Variants in SLCO2B1 observed in about 807,000 individuals in gnomAD.
The protein encoded by SLCO2B1 is OATP-RP2.
In SLCO2B1, 41 loss-of-function variants were observed where a neutral mutation model predicts 67.3. The ratio of observed to expected loss-of-function variants is 0.61; its 90% CI spans 0.47 to 0.79. The LOEUF is 0.79. Ranked by LOEUF, SLCO2B1 falls within the 30% of genes least tolerant of loss-of-function variation. The probability of loss-of-function intolerance (pLI) is 0.00; values close to 1 mark genes in which losing one functional copy is unlikely to be tolerated. For missense variants in SLCO2B1, 837 were observed against 920.1 expected (o/e 0.91, Z 1.17); for synonymous variants, 379 against 381.4 (o/e 0.99, Z 0.07).
intron 1 of SLCO2B1, among the ~76,000 whole-genome samples, chr11:75,156,686 A>T (rs894845781): frequency 6.6e-6 from 1 of 152,184 alleles, no homozygotes; most frequent in Non-Finnish European, 1.5e-5. Flanking sequence ...TTTATTAGGA[A>T]AGTAAAGGAA....
chr11:75,197,497 A>T (rs1227872679), intron 10 of SLCO2B1, among the ~76,000 whole-genome samples: 3 of 152,250 alleles, frequency 2.0e-5, no homozygotes, highest in African/African-American at 7.2e-5. Context: ...GAGCAGAAGC[A>T]CAAGGGTTCA....
chr11:75,169,425 C>A lies in SLCO2B1; in HGVS notation c.682+19C>A. On this transcript the variant is annotated intron_variant, in intron 5 of 13. Coordinates refer to ENST00000289575, the MANE Select transcript of SLCO2B1 (RefSeq NM_007256.5). The stretch of plus-strand genomic sequence containing the variant: ...TACCTCGGTGAGGACCAGTGCCATC[C>A]CTTGGCCTCTGAGGGTCAGGCCAGG... 6.4e-7 allele frequency: 1 copy of A among 1,556,734 alleles called. No individual in the cohort carries two copies.
At chr11:75,163,559 C>T (rs886090840) in intron 2 of SLCO2B1, among the ~76,000 whole-genome samples, 1 of 152,018 alleles carries the variant, frequency 6.6e-6, no homozygotes. Flanking sequence ...CCAAGGGGGG[C>T]TCTGAGAGTC....
At chr11:75,159,248 C>T (rs1949784324) in intron 1 of SLCO2B1, among the ~76,000 whole-genome samples, 1 of 152,254 alleles carries the variant, frequency 6.6e-6, no homozygotes, top group Non-Finnish European at 1.5e-5. Context: ...CACACAGACC[C>T]ATTGCGGGCC....
At chr11:75,172,745 C>A (rs760540113) in intron 7 of SLCO2B1, among the ~76,000 whole-genome samples, 176 bp downstream of exon 7, 1 of 152,046 alleles carries the variant, frequency 6.6e-6, no homozygotes, top group Non-Finnish European at 1.5e-5. Context: ...CTGGCTAACA[C>A]GGTGAAACCC....
intron 4 of SLCO2B1, among the ~76,000 whole-genome samples, chr11:75,166,317 G>A (rs561728264): frequency 6.6e-6 from 1 of 152,200 alleles, no homozygotes; most frequent in Non-Finnish European, 1.5e-5. Context: ...CTATGCACCA[G>A]ACACTGCTCT....
intron 9 of SLCO2B1, among the ~76,000 whole-genome samples, chr11:75,194,621 G>A (rs1591834571): frequency 6.6e-6 from 1 of 151,798 alleles, no homozygotes; most frequent in South Asian, 2.1e-4. Flanking sequence ...TCTCTAGCCT[G>A]GGGCCTCCTG....
intron 4 of SLCO2B1, 54 bp from the exon 5 acceptor site, chr11:75,169,119 G>C: frequency 1.4e-6 from 2 of 1,418,802 alleles, no homozygotes; most frequent in Non-Finnish European, 1.9e-6. Flanking sequence ...CCCGGGGTAA[G>C]CGCTATTTAA....
chr11:75,190,876 A>T (rs1167409826), intron 8 of SLCO2B1, among the ~76,000 whole-genome samples: 1 of 152,172 alleles, frequency 6.6e-6, no homozygotes, highest in Non-Finnish European at 1.5e-5. Flanking sequence ...TGCTGTGCTA[A>T]GGGAAGCCCT....
chr11:75,204,820 C>T lies in SLCO2B1; in HGVS notation c.*240C>T, dbSNP rs547420341. On this transcript the variant is annotated 3_prime_UTR_variant, in exon 14 of 14. Transcript: ENST00000289575. The stretch of plus-strand genomic sequence containing the variant: ...CTGGAGCAAGAGGGTCTTCTTCCTC[C>T]TTCCCCCAGCCAGCCAGCTGTCCTG... The T allele has an allele frequency of 1.9e-4, 63 of 339,764 alleles. No homozygotes were observed. The highest frequency in any genetic ancestry group is 1.1e-3 in the African/African-American group (52 of 47,328). The allele number at this position is 339,764 out of a possible 1,614,324, so 21.0% of individuals were successfully genotyped here. A position where few individuals can be genotyped will look rare whatever the true frequency, so the allele number is the denominator to read the frequency against.
chr11:75,195,552 G>A (rs1186501445), intron 9 of SLCO2B1, among the ~76,000 whole-genome samples: 1 of 151,914 alleles, frequency 6.6e-6, no homozygotes, highest in Non-Finnish European at 1.5e-5. Flanking sequence ...CCACACCCTG[G>A]CTAGAGACTG....
intron 7 of SLCO2B1, among the ~76,000 whole-genome samples, chr11:75,187,201 G>T (rs557752829): frequency 5.9e-5 from 9 of 152,158 alleles, no homozygotes; most frequent in East Asian, 3.8e-4. Flanking sequence ...TACAGTAAGT[G>T]CTTAGTAGGC....
intron 7 of SLCO2B1, among the ~76,000 whole-genome samples, chr11:75,176,207 C>T (rs536364314): frequency 6.6e-6 from 1 of 152,308 alleles, no homozygotes; most frequent in South Asian, 2.1e-4. Context: ...CCCCATCTGT[C>T]CCTGTGGTAG....
rs568652462 is a variant in SLCO2B1 at position 75,159,536 on chromosome 11, G to A, written c.17-3119G>A. On this transcript the variant is annotated intron_variant, in intron 1 of 13. Coordinates refer to ENST00000289575, the MANE Select transcript of SLCO2B1 (RefSeq NM_007256.5). ...ACAGGAGGACACGCAGTCCTGGACT[G>A]GACCATCCTTCCAAGGGGAGTTCCG... is the stretch of plus-strand genomic sequence containing the variant. 2.0e-5 allele frequency among the ~76,000 whole-genome samples: 3 copies of A among 152,352 alleles called. No individual in the cohort carries two copies. The East Asian group carries it at 5.8e-4, about 29-fold the overall frequency.
intron 12 of SLCO2B1, 166 bp downstream of exon 12, chr11:75,203,131 G>A: frequency 8.7e-7 from 1 of 1,152,996 alleles, no homozygotes; most frequent in Non-Finnish European, 1.3e-6. Flanking sequence ...GGGTATAGAG[G>A]CAGAGTCTAG....
chr11:75,155,093 G>A (rs1441985269), intron 1 of SLCO2B1, among the ~76,000 whole-genome samples: 2 of 152,156 alleles, frequency 1.3e-5, no homozygotes, highest in Admixed American at 6.5e-5. Flanking sequence ...TGACTGAGCT[G>A]GGAAACCACC....
At chr11:75,200,154 G>A (rs1360983861) in intron 10 of SLCO2B1, 70 bp from the exon 11 acceptor site, 79 of 1,495,074 alleles carry the variant, frequency 5.3e-5, no homozygotes, top group Middle Eastern at 1.8e-4. Context: ...AGCCTTCCCC[G>A]CTGCAAGCCC....
At chr11:75,169,835 C>A in intron 6 of SLCO2B1, 71 bp downstream of exon 6, 1 of 1,303,626 alleles carries the variant, frequency 7.7e-7, no homozygotes, top group Non-Finnish European at 1.1e-6. Flanking sequence ...GACATTGAGC[C>A]AGGGGACCTC....
At chr11:75,161,700 G>A (rs1266890746) in intron 1 of SLCO2B1, among the ~76,000 whole-genome samples, 1 of 152,212 alleles carries the variant, frequency 6.6e-6, no homozygotes, top group East Asian at 1.9e-4. Context: ...GGCAGGAAGT[G>A]GAGCCGCAGA....
Sources: gnomAD v4.1 joint callset for allele counts (sites outside exome capture counted in the v4.1 genomes callset) on GRCh38, gnomAD v4.1.1 for gene constraint, MANE v1.5 for transcripts, NCBI Gene and HGNC (gene_info 2026-07-23, HGNC 2026-07-21) for gene names.